The following GRAMD1C variants were observed in gnomAD, a reference collection of about 807,000 sequenced individuals.
GRAMD1C encodes protein Aster-C.
In GRAMD1C, 89 loss-of-function variants were observed where a neutral mutation model predicts 97.8. The observed-to-expected ratio is 0.91, with a 90% CI of 0.77 to 1.09. GRAMD1C has a LOEUF of 1.09. Among genes scored for constraint, GRAMD1C ranks in the 50% least tolerant of loss-of-function variants. GRAMD1C has a pLI of 0.00. For missense variants in GRAMD1C, 740 were observed against 766.4 expected (o/e 0.97, Z 0.41); for synonymous variants, 256 against 267.0 (o/e 0.96, Z 0.40).
intron 10 of GRAMD1C, among the ~76,000 whole-genome samples, chr3:113,917,908 C>T (rs937811264): frequency 7.6e-6 from 1 of 132,328 alleles, no homozygotes; most frequent in African/African-American, 2.9e-5. Flanking sequence ...TGCTATGTTG[C>T]TCCAGGCCAG....
intron 10 of GRAMD1C, among the ~76,000 whole-genome samples, chr3:113,927,052 G>A (rs989621068): frequency 2.0e-5 from 3 of 152,072 alleles, no homozygotes; most frequent in Non-Finnish European, 1.5e-5. Context: ...TGGGGCAGGG[G>A]CGCTGGTGGG....
intron 8 of GRAMD1C, among the ~76,000 whole-genome samples, chr3:113,908,167 A>C (rs933145507): frequency 1.3e-5 from 2 of 152,218 alleles, no homozygotes; most frequent in Non-Finnish European, 2.9e-5. Flanking sequence ...ATCTGTGTAC[A>C]TACAGAAAAT....
At chr3:113,835,241 T>C (rs1301543228), upstream of GRAMD1C, among the ~76,000 whole-genome samples, 2 of 152,254 alleles carry the variant, frequency 1.3e-5, no homozygotes, top group African/African-American at 4.8e-5. Flanking sequence ...ACTGTTTTCC[T>C]AAAACATTAG....
chr3:113,905,994 G>C (rs1471732188), intron 8 of GRAMD1C, among the ~76,000 whole-genome samples: 1 of 152,168 alleles, frequency 6.6e-6, no homozygotes, highest in East Asian at 1.9e-4. Context: ...ACTGCAACCA[G>C]CCAGTCCCAT....
At chr3:113,938,271 A>T (rs1937621800) in intron 15 of GRAMD1C, 128 bp downstream of exon 15, 1 of 447,462 alleles carries the variant, frequency 2.2e-6, no homozygotes, top group Non-Finnish European at 3.9e-6. Context: ...TTGCCGGCCT[A>T]CAAAAATAGC....
At chr3:113,873,458 C>T (rs968754694) in intron 3 of GRAMD1C, among the ~76,000 whole-genome samples, 5 of 152,230 alleles carry the variant, frequency 3.3e-5, no homozygotes, top group South Asian at 2.1e-4. Context: ...GACACACAGA[C>T]GCAACCCAGA....
chr3:113,882,901 T>C, intron 6 of GRAMD1C, 69 bp downstream of exon 6: 1 of 710,432 alleles, frequency 1.4e-6, no homozygotes, highest in Admixed American at 2.3e-5. Flanking sequence ...ATTGAAGAGC[T>C]CCTTCTTATT....
chr3:113,839,456 C>G (rs1275794427), intron 1 of GRAMD1C, among the ~76,000 whole-genome samples: 1 of 151,416 alleles, frequency 6.6e-6, no homozygotes, highest in East Asian at 1.9e-4. Context: ...GTTGGACGGG[C>G]GCCTGCGTTT....
chr3:113,901,988 A>AGGGGGGG (rs1559803829), intron 7 of GRAMD1C, among the ~76,000 whole-genome samples: 6 of 14,240 alleles, frequency 4.2e-4, no homozygotes, highest in Non-Finnish European at 1.7e-3. Context: ...AGTGACTGCA[A>AGGGGGGG]GTGACTGCAA....
intron 9 of GRAMD1C, among the ~76,000 whole-genome samples, chr3:113,909,515 AGCTAGTTAACTAT>A (rs946866912): frequency 6.6e-6 from 1 of 152,226 alleles, no homozygotes; most frequent in Non-Finnish European, 1.5e-5. Flanking sequence ...AAAGTCACAC[AGCTAGTTAACTAT>A]GCAGAACTTG....
At chr3:113,898,432 A>G (rs1054209772) in intron 6 of GRAMD1C, among the ~76,000 whole-genome samples, 4 of 152,152 alleles carry the variant, frequency 2.6e-5, no homozygotes, top group African/African-American at 9.6e-5. Flanking sequence ...CTTTGGAAGA[A>G]TGAGTTAATT....
chr3:113,831,312 A>G (rs1386648053), intron 1 of GRAMD1C, among the ~76,000 whole-genome samples: 1 of 152,026 alleles, frequency 6.6e-6, no homozygotes, highest in Non-Finnish European at 1.5e-5. Context: ...GCCTTTTATG[A>G]GTTTGATGTT....
intron 3 of GRAMD1C, among the ~76,000 whole-genome samples, chr3:113,870,812 T>C (rs1435928554): frequency 6.6e-6 from 1 of 151,692 alleles, no homozygotes; most frequent in Admixed American, 6.6e-5. Flanking sequence ...ATTTTTGATT[T>C]ATAAGAATTT....
chr3:113,928,289 C>T (rs1235086373), intron 10 of GRAMD1C, among the ~76,000 whole-genome samples: 1 of 152,126 alleles, frequency 6.6e-6, no homozygotes, highest in Non-Finnish European at 1.5e-5. Context: ...ACACGAGCAG[C>T]TTCTAATTCA....
chr3:113,866,929 A>T (rs1397912261), intron 2 of GRAMD1C, among the ~76,000 whole-genome samples: 12 of 152,000 alleles, frequency 7.9e-5, no homozygotes, highest in Non-Finnish European at 1.5e-4. Context: ...TCCGAGTTCA[A>T]GGGATTCTCC....
chr3:113,875,677 A>G, intron 4 of GRAMD1C, 90 bp downstream of exon 4: 1 of 670,438 alleles, frequency 1.5e-6, no homozygotes, highest in Non-Finnish European at 2.7e-6. Flanking sequence ...GATGATTCCA[A>G]AGTAAATTTA....
At chr3:113,864,653 C>T (rs189258821) in intron 2 of GRAMD1C, among the ~76,000 whole-genome samples, 1 of 152,210 alleles carries the variant, frequency 6.6e-6, no homozygotes, top group Admixed American at 6.5e-5. Flanking sequence ...TAAGATATTC[C>T]TCATTTCCAT....
At chr3:113,863,920 A>G (rs13082304) in intron 2 of GRAMD1C, among the ~76,000 whole-genome samples, 45,016 of 151,998 alleles carry the variant, frequency 0.3, 7,041 homozygotes, top group Middle Eastern at 0.39. Flanking sequence ...TTAATCTCCA[A>G]ATAGTCTCTA....
intron 6 of GRAMD1C, chr3:113,886,020 C>T (rs1935460448): frequency 1.5e-6 from 2 of 1,300,644 alleles, no homozygotes; most frequent in Admixed American, 4.3e-5. Context: ...TCACCAACAT[C>T]GGCTCTGGTG....
Sources: allele counts gnomAD v4.1 joint callset (sites outside exome capture counted in the v4.1 genomes callset), GRCh38; gene constraint gnomAD v4.1.1; transcripts MANE v1.5; gene names NCBI Gene and HGNC (gene_info 2026-07-23, HGNC 2026-07-21).